COL23A1: variants seen among roughly 807,000 people sequenced by gnomAD.
The protein encoded by COL23A1 is collagen type XXIII alpha 1 chain.
Under a neutral mutation model 99.3 loss-of-function variants are expected in COL23A1, and 97 were observed. The ratio of observed to expected loss-of-function variants is 0.98; its 90% confidence interval spans 0.83 to 1.16. The LOEUF is 1.16. Ranked by LOEUF, COL23A1 falls within the 50% of genes most tolerant of loss-of-function variation. The probability of loss-of-function intolerance (pLI) is 0.00; values close to 1 mark genes in which losing one functional copy is unlikely to be tolerated. For missense variants in COL23A1, 762 were observed against 757.4 expected (o/e 1.01, Z -0.07); for synonymous variants, 320 against 308.2 (o/e 1.04, Z -0.40).
intron 2 of COL23A1, among the ~76,000 whole-genome samples, chr5:178,402,891 T>C (rs556465455): frequency 6.6e-6 from 1 of 150,734 alleles, no homozygotes; most frequent in African/African-American, 2.4e-5. Flanking sequence ...AAAGGAGAAA[T>C]GTTCCATGAA....
At chr5:178,496,201 ATG>A (rs1481227703) in intron 2 of COL23A1, among the ~76,000 whole-genome samples, 1 of 152,194 alleles carries the variant, frequency 6.6e-6, no homozygotes, top group Non-Finnish European at 1.5e-5. Flanking sequence ...TGGGAACAGA[ATG>A]TGTGTTAGTA....
At chr5:178,446,822 CA>C (rs1201938543) in intron 2 of COL23A1, among the ~76,000 whole-genome samples, 1 of 152,118 alleles carries the variant, frequency 6.6e-6, no homozygotes, top group Admixed American at 6.5e-5. Flanking sequence ...AGAAGCTAAC[CA>C]TGGTATAACA....
chr5:178,275,457 T>G (rs191163802), intron 5 of COL23A1, among the ~76,000 whole-genome samples: 15 of 152,358 alleles, frequency 9.8e-5, no homozygotes, highest in Non-Finnish European at 2.1e-4. Context: ...CAGAGCCATC[T>G]TTTGAGGCAT....
At chr5:178,239,301 GC>G in intron 27 of COL23A1, 122 bp from the exon 28 acceptor site, 1 of 1,086,878 alleles carries the variant, frequency 9.2e-7, no homozygotes, top group Non-Finnish European at 1.4e-6. Context: ...AGACTGCTGG[GC>G]CCCACTGAGG....
rs200567150 is a variant in COL23A1 at position 178,403,108 on chromosome 5, C to CAAA, written c.362-96192_362-96190dup. Among the ~76,000 whole-genome samples the CAAA allele has an allele frequency of 1.7e-3, 79 of 46,608 alleles. 6 individuals are homozygous for CAAA. Among genetic ancestry groups the CAAA allele is most frequent in the South Asian group, 2.7e-3 (2 of 744 alleles). The allele number at this position is 46,608 out of a possible 152,430, so 30.6% of individuals were successfully genotyped here. A position where few individuals can be genotyped will look rare whatever the true frequency, so the allele number is the denominator to read the frequency against. On this transcript the variant is annotated intron_variant, in intron 2 of 28. Coordinates refer to ENST00000390654, the MANE Select transcript of COL23A1 (RefSeq NM_173465.4). ...TGGGCAACAGAGAGAGACTCCATCT[C>CAAA]AAAAAAAAAAAAAATAAATAAATAA...
At chr5:178,585,745 A>ACGCTGGGGTAACACTCCACAG (rs1763957492) in intron 1 of COL23A1, among the ~76,000 whole-genome samples, 1 of 5,486 alleles carries the variant, frequency 1.8e-4, no homozygotes, top group African/African-American at 6.8e-4. Flanking sequence ...GCCCTGGCTG[A>ACGCTGGGGTAACACTCCACAG]CCCTGTTGGT....
chr5:178,515,657 C>T lies in COL23A1; in HGVS notation c.361+45025G>A, dbSNP rs540213460. ...CCTACCTTTCCTTCAGCTCGGACCC[C>T]CGCTCCCCGCCTCTGCTGGACCCTA... On this transcript the variant is annotated intron_variant, in intron 2 of 28. Coordinates refer to ENST00000390654, the MANE Select transcript of COL23A1 (RefSeq NM_173465.4). Among the ~76,000 whole-genome samples, 5 of 152,294 alleles carry T rather than the reference C, an allele frequency of 3.3e-5. 1 individual carries two copies. In the South Asian group the frequency reaches 6.2e-4, roughly 19 times the overall value.
intron 2 of COL23A1, among the ~76,000 whole-genome samples, chr5:178,448,684 T>C (rs1462549025): frequency 6.6e-6 from 1 of 152,162 alleles, no homozygotes; most frequent in Non-Finnish European, 1.5e-5. Context: ...CATTAATCCA[T>C]TCATGAGGGC....
chr5:178,457,316 C>G (rs1284905305), intron 2 of COL23A1, among the ~76,000 whole-genome samples: 1 of 152,142 alleles, frequency 6.6e-6, no homozygotes, highest in Non-Finnish European at 1.5e-5. Flanking sequence ...CAGGTTCAAG[C>G]AATTCTCCTG....
chr5:178,272,955 A>G lies in COL23A1; in HGVS notation c.442-2592T>C, dbSNP rs573555242. Among the ~76,000 whole-genome samples, 8 of 152,236 alleles carry G rather than the reference A, an allele frequency of 5.3e-5. No individual in the cohort carries two copies. The South Asian group carries it at 1.7e-3, about 32-fold the overall frequency. ...GTGTCATCATCCCCATCTTACGGAG[A>G]AGGAAACTGAGGCCCAGTGAGGGGA... On this transcript the variant is annotated intron_variant, in intron 5 of 28. Transcript: ENST00000390654.
At chr5:178,457,304 C>T (rs1767852760) in intron 2 of COL23A1, among the ~76,000 whole-genome samples, 1 of 152,152 alleles carries the variant, frequency 6.6e-6, no homozygotes, top group African/African-American at 2.4e-5. Flanking sequence ...GCCCCTGCCT[C>T]CCAGGTTCAA....
At chr5:178,472,798 G>T (rs902041159) in intron 2 of COL23A1, among the ~76,000 whole-genome samples, 1 of 152,032 alleles carries the variant, frequency 6.6e-6, no homozygotes, top group Non-Finnish European at 1.5e-5. Context: ...CCACATCCAC[G>T]GTCTCAACCA....
At chr5:178,430,847 T>C (rs1766222225) in intron 2 of COL23A1, among the ~76,000 whole-genome samples, 1 of 152,118 alleles carries the variant, frequency 6.6e-6, no homozygotes, top group Non-Finnish European at 1.5e-5. Flanking sequence ...TTGCTAGGTA[T>C]GGTGGGTACA....
At chr5:178,339,640 T>A (rs1760542357) in intron 2 of COL23A1, among the ~76,000 whole-genome samples, 1 of 152,216 alleles carries the variant, frequency 6.6e-6, no homozygotes, top group Admixed American at 6.5e-5. Context: ...ACTGAGGATA[T>A]GTTCCTTTAT....
At chr5:178,508,904 A>G (rs1369656651) in intron 2 of COL23A1, among the ~76,000 whole-genome samples, 5 of 152,180 alleles carry the variant, frequency 3.3e-5, no homozygotes, top group Non-Finnish European at 7.3e-5. Flanking sequence ...TGTTTTATAT[A>G]TAATGTCCAG....
At chr5:178,481,984 C>A (rs944071670) in intron 2 of COL23A1, among the ~76,000 whole-genome samples, 1 of 149,468 alleles carries the variant, frequency 6.7e-6, no homozygotes, top group African/African-American at 2.5e-5. Context: ...AACAAACCTG[C>A]GTGTTGTGTA....
rs928008028 is a variant in COL23A1 at position 178,373,031 on chromosome 5, C to A, written c.362-66112G>T. On this transcript the variant is annotated intron_variant, in intron 2 of 28. Transcript: ENST00000390654. The stretch of plus-strand genomic sequence containing the variant: ...GCAACCTCCATCTCCCAGGTTCAAG[C>A]GATTCTCCTGCCTCAGCCTCCCGAG... 2.0e-5 allele frequency among the ~76,000 whole-genome samples: 3 copies of A among 150,776 alleles called. 1 individual carries two copies. The South Asian group carries it at 6.3e-4, about 32-fold the overall frequency.
intron 9 of COL23A1, 67 bp downstream of exon 9, chr5:178,263,141 G>C (rs1156530578): frequency 9.7e-6 from 11 of 1,130,820 alleles, no homozygotes; most frequent in Non-Finnish European, 1.5e-5. Context: ...GGATGGGGCT[G>C]GCTCTGGAAT....
intron 2 of COL23A1, among the ~76,000 whole-genome samples, chr5:178,346,893 C>T (rs187339375): frequency 2.6e-5 from 4 of 152,310 alleles, no homozygotes; most frequent in South Asian, 2.1e-4. Context: ...GAAATCCCAG[C>T]GACCCAGCCT....
Sources: allele counts gnomAD v4.1 joint callset (sites outside exome capture counted in the v4.1 genomes callset), GRCh38; gene constraint gnomAD v4.1.1; transcripts MANE v1.5; gene names NCBI Gene and HGNC (gene_info 2026-07-23, HGNC 2026-07-21).